C6: variants seen among roughly 807,000 people sequenced by gnomAD.
C6 encodes complement component C6.
A neutral mutation model predicts 112.9 loss-of-function variants in C6; 101 were observed. The observed-to-expected ratio is 0.89, with a 90% confidence interval of 0.76 to 1.06. The LOEUF (loss-of-function observed/expected upper bound fraction) is 1.06. C6 is among the 50% of genes least tolerant of loss of function. The pLI is 0.00. For synonymous variants in C6, 431 were observed against 384.1 expected (o/e 1.12, Z -1.43); for missense variants, 1,202 against 1,104.6 (o/e 1.09, Z -1.25).
intron 3 of C6, 51 bp downstream of exon 3, chr5:41,201,507 A>T: frequency 1.3e-6 from 2 of 1,548,372 alleles, no homozygotes; most frequent in Non-Finnish European, 8.9e-7. Context: ...TCAGGGAATC[A>T]GAGCCCTCTA....
At chr5:41,222,306 A>C (rs903777774) in intron 1 of C6, among the ~76,000 whole-genome samples, 1 of 152,034 alleles carries the variant, frequency 6.6e-6, no homozygotes, top group Non-Finnish European at 1.5e-5. Flanking sequence ...ATTATATTGA[A>C]ATTTGCAATA....
chr5:41,202,509 T>C (rs1751103339), intron 2 of C6, among the ~76,000 whole-genome samples: 1 of 152,190 alleles, frequency 6.6e-6, no homozygotes, highest in Non-Finnish European at 1.5e-5. Context: ...TCTCTAATGG[T>C]TAAAACACAT....
At chr5:41,257,767 A>G (rs1381491853) in intron 1 of C6, among the ~76,000 whole-genome samples, 1 of 152,154 alleles carries the variant, frequency 6.6e-6, no homozygotes, top group Non-Finnish European at 1.5e-5. Context: ...GCTGACATAT[A>G]TACTACCTCC....
intron 5 of C6, among the ~76,000 whole-genome samples, chr5:41,189,889 A>G (rs1328526720): frequency 1.3e-5 from 2 of 152,066 alleles, no homozygotes; most frequent in African/African-American, 4.8e-5. Context: ...TTTCTGGCTT[A>G]TTTCACTTAA....
At chr5:41,191,830 T>C (rs983161024) in intron 5 of C6, among the ~76,000 whole-genome samples, 1 of 151,814 alleles carries the variant, frequency 6.6e-6, no homozygotes, top group African/African-American at 2.4e-5. Context: ...GTTCTCGCTA[T>C]AAAAGATAAT....
chr5:41,195,927 C>A lies in C6; in HGVS notation c.452G>T (p.Cys151Phe), dbSNP rs201373074. The change falls in exon 5 of 18, where the codon TGC (cysteine) becomes TTC (phenylalanine). Residue 151 changes from cysteine to phenylalanine, a missense_variant. By Grantham distance (205) the Cys-to-Phe change is radical. Transcript: ENST00000337836. Reference protein sequence around the residue: ...KNKFRCDSGRCIARKLECNGE... With the variant: ...KNKFRCDSGRFIARKLECNGE... ...ATTGCATTCTAACTTTCTGGCAATG[C>A]AGCGGCCTAGTCAAGAAAAGCAAAC... is the stretch of plus-strand genomic sequence containing the variant. 2 of 1,613,838 alleles carry A rather than the reference C, an allele frequency of 1.2e-6. No homozygotes were observed. The highest frequency in any genetic ancestry group is 1.7e-5 in the Admixed American group (1 of 59,986).
intron 3 of C6, 42 bp from the exon 4 acceptor site, chr5:41,199,954 C>G: frequency 5.0e-6 from 8 of 1,608,216 alleles, no homozygotes; most frequent in Non-Finnish European, 6.8e-6. Context: ...GAGGCAGGGT[C>G]AAGGTCAAAA....
At chr5:41,233,059 G>T (rs1740008125) in intron 1 of C6, among the ~76,000 whole-genome samples, 1 of 151,806 alleles carries the variant, frequency 6.6e-6, no homozygotes, top group Non-Finnish European at 1.5e-5. Flanking sequence ...ATTTTCATGT[G>T]TATTACTGTA....
chr5:41,233,348 A>G (rs115069172), intron 1 of C6, among the ~76,000 whole-genome samples: 9 of 152,210 alleles, frequency 5.9e-5, no homozygotes, highest in Non-Finnish European at 1.2e-4. Flanking sequence ...GTCTTAAACT[A>G]TTGTTACCAT....
At chr5:41,253,737 T>C (rs1371246622) in intron 1 of C6, among the ~76,000 whole-genome samples, 1 of 152,258 alleles carries the variant, frequency 6.6e-6, no homozygotes, top group Non-Finnish European at 1.5e-5. Flanking sequence ...TAATATGTGC[T>C]ATTGTTTATA....
chr5:41,220,964 C>T (rs1011047255), intron 1 of C6, among the ~76,000 whole-genome samples: 3 of 151,786 alleles, frequency 2.0e-5, no homozygotes, highest in African/African-American at 7.3e-5. Context: ...ATCTAACATA[C>T]ATTCTTGGCA....
At chr5:41,195,722 C>G in intron 5 of C6, 70 bp downstream of exon 5, 1 of 1,468,130 alleles carries the variant, frequency 6.8e-7, no homozygotes. Flanking sequence ...AATGATGTAT[C>G]TCATTGCTCC....
chr5:41,149,568 C>T (rs1746183470), intron 16 of C6, 86 bp from the exon 17 acceptor site: 1 of 1,559,128 alleles, frequency 6.4e-7, no homozygotes, highest in Non-Finnish European at 8.8e-7. Context: ...GTTCACTCAC[C>T]AACCAGTTTT....
intron 1 of C6, among the ~76,000 whole-genome samples, chr5:41,245,468 C>G (rs1740963862): frequency 1.3e-5 from 2 of 151,376 alleles, no homozygotes; most frequent in African/African-American, 4.9e-5. Context: ...TTGCAGTGAA[C>G]TGAGATAGCA....
intron 8 of C6, among the ~76,000 whole-genome samples, chr5:41,175,937 T>C (rs1346696963): frequency 6.6e-6 from 1 of 152,212 alleles, no homozygotes; most frequent in Non-Finnish European, 1.5e-5. Flanking sequence ...CACCAGTAAG[T>C]GCTCATCTGG....
At chr5:41,242,755 C>T (rs1186318254) in intron 1 of C6, among the ~76,000 whole-genome samples, 1 of 151,628 alleles carries the variant, frequency 6.6e-6, no homozygotes, top group Non-Finnish European at 1.5e-5. Flanking sequence ...CAGAATGGTA[C>T]GTCAACAGAT....
intron 1 of C6, among the ~76,000 whole-genome samples, chr5:41,232,945 A>T (rs1009229916): frequency 6.6e-6 from 1 of 152,068 alleles, no homozygotes; most frequent in Non-Finnish European, 1.5e-5. Context: ...TATCTATTAC[A>T]GCCTTAAATA....
Position 41,142,512 on chromosome 5 carries a change from C to A in C6, c.*313G>T. On this transcript the variant is annotated 3_prime_UTR_variant, in exon 18 of 18. Coordinates refer to ENST00000337836, the MANE Select transcript of C6 (RefSeq NM_000065.5). The stretch of plus-strand genomic sequence containing the variant: ...ATTCTTATTTCTAATTGCGAGAATG[C>A]TTAATGTCACAGGCTACATAAGGGC... 1 of 336,832 alleles carries A rather than the reference C, an allele frequency of 3.0e-6. No individual in the cohort carries two copies. Among genetic ancestry groups the A allele is most frequent in the South Asian group, 5.0e-5 (1 of 20,110 alleles). 20.9% of individuals were successfully genotyped at this position (336,832 alleles called of 1,614,324 possible).
In C6 at chr5:41,149,299, G is replaced by C. The variant is rs748671833; in HGVS notation, c.2565C>G (p.Asn855Lys). Residue 855 changes from asparagine to lysine, a missense_variant, in exon 17 of 18, where the codon AAC becomes AAG. By Grantham distance (94) the Asn-to-Lys change is moderately conservative. Transcript: ENST00000337836. ...WGLERTRLSS[N>K]STKKESCGYD... ...AGCCACAGGATTCTTTCTTTGTGCT[G>C]TTGGATGAAAGTCTTGTCCTTTCAA... 4.3e-6 allele frequency: 7 copies of C among 1,614,052 alleles called. No individual in the cohort carries two copies. Among genetic ancestry groups the C allele is most frequent in the Non-Finnish European group, 5.9e-6 (7 of 1,179,940 alleles).
Sources: gnomAD v4.1 joint callset for allele counts (sites outside exome capture counted in the v4.1 genomes callset) on GRCh38, gnomAD v4.1.1 for gene constraint, MANE v1.5 for transcripts, NCBI Gene and HGNC (gene_info 2026-07-23, HGNC 2026-07-21) for gene names.